Variants in P2RY14 observed in about 807,000 individuals in gnomAD.
The protein encoded by P2RY14 is P2Y purinoceptor 14.
Under a neutral mutation model 0.9 loss-of-function variants are expected in P2RY14, and 2 were observed. That is an observed-to-expected ratio of 2.16 (90% CI 0.88 to 6.79). The LOEUF is 6.79. P2RY14 is among the 30% of genes most tolerant of loss of function. The pLI is 0.05. For synonymous variants in P2RY14, 158 were observed against 147.2 expected (o/e 1.07, Z -0.53); for missense variants, 378 against 400.1 (o/e 0.94, Z 0.47).
At chr3:151,269,625 G>A (rs1740505081) in intron 1 of P2RY14, 4 of 366,350 alleles carry the variant, frequency 1.1e-5, no homozygotes, top group South Asian at 9.8e-5. Flanking sequence ...AAGACAAAGA[G>A]GCACTGTATT....
chr3:151,275,732 G>T (rs1296612581), intron 1 of P2RY14, among the ~76,000 whole-genome samples: 2 of 152,142 alleles, frequency 1.3e-5, no homozygotes, highest in Non-Finnish European at 2.9e-5. Context: ...AGTAAAGAGG[G>T]TTTTGGAGAC....
At chr3:151,238,516 T>G (rs1445841954) in intron 1 of P2RY14, among the ~76,000 whole-genome samples, 1 of 152,238 alleles carries the variant, frequency 6.6e-6, no homozygotes, top group Non-Finnish European at 1.5e-5. Flanking sequence ...AGAGACACTA[T>G]GAAATCAAAT....
rs550158784 is a variant in P2RY14 at position 151,212,531 on chromosome 3, G to T, written c.*769C>A. ...CCCATACTATTGAACAGGGGAAGTT[G>T]CTGATAACGTATGCCAATATTTAGT... On this transcript the variant is annotated 3_prime_UTR_variant, in exon 3 of 3. Transcript: ENST00000309170. The T allele has an allele frequency of 6.6e-6, 1 of 152,132 alleles. No homozygotes were observed. Among genetic ancestry groups the T allele is most frequent in the East Asian group, 1.9e-4 (1 of 5,182 alleles). 9.4% of individuals were successfully genotyped at this position (152,132 alleles called of 1,614,324 possible).
chr3:151,252,281 GCTTAA>G (rs1411957192), intron 1 of P2RY14, among the ~76,000 whole-genome samples: 1 of 152,154 alleles, frequency 6.6e-6, no homozygotes, highest in Non-Finnish European at 1.5e-5. Flanking sequence ...CAGGAGTAGT[GCTTAA>G]CTTGTTTATA....
At chr3:151,223,863 C>T (rs1729919614) in intron 1 of P2RY14, among the ~76,000 whole-genome samples, 1 of 152,200 alleles carries the variant, frequency 6.6e-6, no homozygotes, top group Non-Finnish European at 1.5e-5. Flanking sequence ...AGAACATTGC[C>T]TACTCCTGGG....
At chr3:151,246,927 AAAAC>A (rs1159870679) in intron 1 of P2RY14, among the ~76,000 whole-genome samples, 36 of 152,338 alleles carry the variant, frequency 2.4e-4, no homozygotes, top group Non-Finnish European at 3.1e-4. Context: ...TTACAAGAAA[AAAAC>A]AAACAACCCC....
chr3:151,248,640 A>G (rs1320302723), intron 1 of P2RY14, among the ~76,000 whole-genome samples: 2 of 152,158 alleles, frequency 1.3e-5, no homozygotes, highest in Non-Finnish European at 2.9e-5. Context: ...AAGCCCCATG[A>G]AAGGAAATCA....
intron 1 of P2RY14, among the ~76,000 whole-genome samples, chr3:151,264,307 C>T (rs1041886232): frequency 4.6e-5 from 7 of 152,194 alleles, no homozygotes; most frequent in Admixed American, 1.3e-4. Context: ...AGAGTTTGTG[C>T]TCACTTAGCA....
Position 151,260,213 on chromosome 3 carries a change from G to A in P2RY14, c.-133+18074C>T, listed in dbSNP as rs1262913099. On this transcript the variant is annotated intron_variant, in intron 1 of 2. Coordinates refer to ENST00000309170, the MANE Select transcript of P2RY14 (RefSeq NM_014879.4). The stretch of plus-strand genomic sequence containing the variant: ...TAAAAATAAAGAAAAGAGCCGCAAC[G>A]TCACCTTATCTAGCCTAATTAAATT... 1.3e-5 allele frequency among the ~76,000 whole-genome samples: 2 copies of A among 152,262 alleles called. 1 individual carries two copies. Among genetic ancestry groups the A allele is most frequent in the South Asian group, 4.1e-4 (2 of 4,826 alleles).
chr3:151,244,771 G>A (rs1312480711), intron 1 of P2RY14, among the ~76,000 whole-genome samples: 3 of 152,058 alleles, frequency 2.0e-5, no homozygotes, highest in African/African-American at 4.8e-5. Flanking sequence ...TAAAATCGGA[G>A]CAGAACTCAA....
intron 1 of P2RY14, among the ~76,000 whole-genome samples, chr3:151,252,497 T>C (rs184490696): frequency 2.0e-5 from 3 of 152,280 alleles, no homozygotes; most frequent in African/African-American, 7.2e-5. Flanking sequence ...TAATTTTGCA[T>C]CTTTGGCACC....
chr3:151,220,913 T>C (rs183370677), intron 1 of P2RY14, among the ~76,000 whole-genome samples: 1 of 152,084 alleles, frequency 6.6e-6, no homozygotes, highest in Admixed American at 6.5e-5. Flanking sequence ...ATTGGAACAG[T>C]TTGGAGGGCT....
At chr3:151,270,704 A>G (rs767989735) in intron 1 of P2RY14, among the ~76,000 whole-genome samples, 5 of 152,186 alleles carry the variant, frequency 3.3e-5, no homozygotes, top group African/African-American at 4.8e-5. Flanking sequence ...TTAAGTGTGT[A>G]TTTTGACAAC....
At chr3:151,254,353 C>A (rs1386562497) in intron 1 of P2RY14, among the ~76,000 whole-genome samples, 1 of 152,190 alleles carries the variant, frequency 6.6e-6, no homozygotes, top group Non-Finnish European at 1.5e-5. Context: ...TTATTTATAG[C>A]AGAGGCTTAA....
rs534876103 is a variant in P2RY14, at chr3:151,242,748, G to A, written c.-132-23106C>T. ...AGGAACGCAGTTCCTCACCAGCAGC[G>A]GAACAAAGCTGGATGGAGAATGACT... On this transcript the variant is annotated intron_variant, in intron 1 of 2. Coordinates refer to ENST00000309170, the MANE Select transcript of P2RY14 (RefSeq NM_014879.4). 2.4e-4 allele frequency among the ~76,000 whole-genome samples: 37 copies of A among 152,274 alleles called. No homozygotes were observed. The East Asian group carries it at 5.8e-3, about 24-fold the overall frequency.
In P2RY14 at chr3:151,213,533, C is replaced by T. The variant is rs201894452; in HGVS notation, c.784G>A (p.Glu262Lys). 1.9e-5 allele frequency: 31 copies of T among 1,614,046 alleles called. No homozygotes were observed. The Admixed American group carries it at 3.7e-4, about 19-fold the overall frequency. Reference sequence around the variant, plus strand: ...TTTGACTGGCAGCTGTAATGAGCTTCGGTCTGACTCTTTGTGTAGGGGATT... The same window carrying T: ...TTTGACTGGCAGCTGTAATGAGCTTTGGTCTGACTCTTTGTGTAGGGGATT... The part of the protein sequence containing the change: ...ARIPYTKSQT[E>K]AHYSCQSKEI... Residue 262 changes from glutamate (E) to lysine (K), a missense_variant, in exon 3 of 3, where the codon GAA (glutamate) becomes AAA (lysine). By Grantham distance (56) the Glu-to-Lys change is moderately conservative. Coordinates refer to ENST00000309170, the MANE Select transcript of P2RY14 (RefSeq NM_014879.4).
intron 1 of P2RY14, among the ~76,000 whole-genome samples, chr3:151,257,313 TAGAC>T (rs1265843947): frequency 3.3e-5 from 5 of 152,258 alleles, no homozygotes; most frequent in Admixed American, 2.6e-4. Context: ...ATTAATCTCT[TAGAC>T]AGTTGAAACA....
At chr3:151,242,462 G>A (rs1215213469) in intron 1 of P2RY14, among the ~76,000 whole-genome samples, 1 of 152,202 alleles carries the variant, frequency 6.6e-6, no homozygotes, top group Non-Finnish European at 1.5e-5. Context: ...GTGGGTCCCT[G>A]ACCCCTGAGC....
At chr3:151,231,184 T>A (rs1174758229) in intron 1 of P2RY14, among the ~76,000 whole-genome samples, 1 of 152,200 alleles carries the variant, frequency 6.6e-6, no homozygotes. Context: ...AAAGCTCTTG[T>A]TTACAGGAGA....
Sources: gnomAD v4.1 joint callset for allele counts (sites outside exome capture counted in the v4.1 genomes callset) on GRCh38, gnomAD v4.1.1 for gene constraint, MANE v1.5 for transcripts, NCBI Gene and HGNC (gene_info 2026-07-23, HGNC 2026-07-21) for gene names.